The following IL7 variants were observed in gnomAD, a reference collection of about 807,000 sequenced individuals.
IL7 encodes interleukin-7.
IL7 carries 3 observed loss-of-function variants against 21.6 expected under a neutral mutation model. The observed-to-expected ratio is 0.14, with a 90% confidence interval of 0.06 to 0.36. IL7 has a LOEUF of 0.36. IL7 is among the 10% of genes least tolerant of loss of function. The pLI, the probability that IL7 is intolerant of heterozygous loss-of-function variation, is 1.00. For missense variants in IL7, 175 were observed against 200.2 expected (o/e 0.87, Z 0.76); for synonymous variants, 62 against 68.1 (o/e 0.91, Z 0.44).
chr8:78,694,285 TG>T (rs1187270301), intron 3 of IL7, among the ~76,000 whole-genome samples: 6 of 70,154 alleles, frequency 8.6e-5, no homozygotes, highest in African/African-American at 1.1e-4. Context: ...ATATGTTCCT[TG>T]TTTTTTTTTT....
intron 4 of IL7, among the ~76,000 whole-genome samples, chr8:78,681,177 G>C (rs1809765929): frequency 6.6e-6 from 1 of 151,958 alleles, no homozygotes; most frequent in Non-Finnish European, 1.5e-5. Flanking sequence ...TGTTGCAACA[G>C]AGAGGAGAGC....
At chr8:78,759,042 C>G (rs1812450618) in intron 2 of IL7, among the ~76,000 whole-genome samples, 1 of 145,292 alleles carries the variant, frequency 6.9e-6, no homozygotes, top group South Asian at 2.1e-4. Context: ...TCTTCATTCT[C>G]TTTTATTCTT....
At chr8:78,708,038 T>A (rs1436655514) in intron 3 of IL7, among the ~76,000 whole-genome samples, 2 of 152,184 alleles carry the variant, frequency 1.3e-5, no homozygotes, top group Non-Finnish European at 2.9e-5. Flanking sequence ...CCCTCATCTG[T>A]TAATCTATTG....
At chr8:78,713,425 T>C (rs1811008217), downstream of IL7, among the ~76,000 whole-genome samples, 1 of 152,134 alleles carries the variant, frequency 6.6e-6, no homozygotes, top group South Asian at 2.1e-4. Flanking sequence ...GTGTTTGTAT[T>C]GTTTGTATAT....
At chr8:78,742,952 C>A (rs1811844468) in intron 2 of IL7, among the ~76,000 whole-genome samples, 1 of 152,120 alleles carries the variant, frequency 6.6e-6, no homozygotes, top group Non-Finnish European at 1.5e-5. Context: ...GATCATTTAG[C>A]TGCCACTTAT....
downstream of IL7, chr8:78,715,183 G>C: frequency 1.9e-6 from 3 of 1,578,412 alleles, no homozygotes; most frequent in Non-Finnish European, 2.6e-6. Context: ...CATGCTCACT[G>C]TTCAATACTT....
chr8:78,735,870 C>T (rs1192950642), intron 5 of IL7, among the ~76,000 whole-genome samples: 1 of 152,124 alleles, frequency 6.6e-6, no homozygotes, highest in South Asian at 2.1e-4. Context: ...TTTTCCATGC[C>T]TCAACTTAAT....
In IL7 at chr8:78,686,654, A is replaced by G. The variant is rs1209601630; in HGVS notation, n.215-707T>C. On this transcript the variant is annotated intron_variant and non_coding_transcript_variant, in intron 3 of 4. Transcript: ENST00000523959. ...AGAAATGTTCATGTGGAAAGAAAAT[A>G]ATGATAGAGTTTTTATAAATTTTCA... is the stretch of plus-strand genomic sequence containing the variant. 6 of 1,411,902 alleles carry G rather than the reference A, an allele frequency of 4.2e-6. No individual in the cohort carries two copies. The African/African-American group carries it at 8.9e-5, about 21-fold the overall frequency. The allele number at this position is 1,411,902 out of a possible 1,614,324, so 87.5% of individuals were successfully genotyped here.
chr8:78,693,805 C>T (rs915742785), intron 3 of IL7, among the ~76,000 whole-genome samples: 1 of 152,152 alleles, frequency 6.6e-6, no homozygotes, highest in African/African-American at 2.4e-5. Flanking sequence ...GAAGTCCTTG[C>T]CCATGCCTGT....
chr8:78,741,773 TC>T (rs1811790462), intron 2 of IL7, among the ~76,000 whole-genome samples: 1 of 152,224 alleles, frequency 6.6e-6, no homozygotes, highest in Admixed American at 6.5e-5. Context: ...TATTAATTCA[TC>T]GACCTTAGTA....
chr8:78,752,420 A>T (rs989453118), intron 2 of IL7, among the ~76,000 whole-genome samples: 2 of 152,094 alleles, frequency 1.3e-5, no homozygotes, highest in Non-Finnish European at 2.9e-5. Context: ...TTTTCTCCAC[A>T]TCCTCATCAA....
At chr8:78,714,404 A>G (rs1811036010), downstream of IL7, among the ~76,000 whole-genome samples, 2 of 152,202 alleles carry the variant, frequency 1.3e-5, no homozygotes, top group South Asian at 2.1e-4. Flanking sequence ...AACAGTAGTA[A>G]TAGTATTAGC....
intron 4 of IL7, among the ~76,000 whole-genome samples, chr8:78,683,262 C>T (rs890126403): frequency 1.3e-5 from 2 of 152,230 alleles, no homozygotes; most frequent in Non-Finnish European, 2.9e-5. Context: ...TCTCTTATTT[C>T]CCTTTTGCAG....
downstream of IL7, among the ~76,000 whole-genome samples, chr8:78,727,916 A>T (rs142679459): frequency 1.3e-5 from 2 of 152,096 alleles, no homozygotes; most frequent in African/African-American, 4.8e-5. Context: ...GAGTTTAATA[A>T]TCCTATATCC....
intron 2 of IL7, among the ~76,000 whole-genome samples, chr8:78,750,521 T>C (rs1179222389): frequency 6.6e-6 from 1 of 152,130 alleles, no homozygotes; most frequent in South Asian, 2.1e-4. Context: ...AACAGAAATC[T>C]TTTTAAAAGT....
At chr8:78,781,597 G>A (rs554782832) in intron 2 of IL7, among the ~76,000 whole-genome samples, 4 of 152,220 alleles carry the variant, frequency 2.6e-5, no homozygotes, top group Admixed American at 1.3e-4. Flanking sequence ...CTGTTATTCC[G>A]ATGGGCTTTC....
intron 2 of IL7, among the ~76,000 whole-genome samples, chr8:78,754,965 G>A (rs1015212837): frequency 3.9e-5 from 6 of 151,958 alleles, no homozygotes; most frequent in African/African-American, 1.5e-4. Flanking sequence ...ATATTTCTGG[G>A]TTTCATGTTT....
At chr8:78,746,461 A>G (rs1215874760) in intron 2 of IL7, among the ~76,000 whole-genome samples, 2 of 152,248 alleles carry the variant, frequency 1.3e-5, no homozygotes, top group Non-Finnish European at 2.9e-5. Flanking sequence ...TCCCCCAAGT[A>G]TCAATGTAAG....
intron 4 of IL7, among the ~76,000 whole-genome samples, chr8:78,677,975 T>C (rs545303716): frequency 1.3e-5 from 2 of 152,258 alleles, no homozygotes; most frequent in African/African-American, 4.8e-5. Flanking sequence ...CCATATAGGG[T>C]AACTTCCTGA....
Sources: allele counts gnomAD v4.1 joint callset (sites outside exome capture counted in the v4.1 genomes callset), GRCh38; gene constraint gnomAD v4.1.1; transcripts MANE v1.5; gene names NCBI Gene and HGNC (gene_info 2026-07-23, HGNC 2026-07-21).